The following SLC4A4 variants were observed in gnomAD, a reference collection of about 807,000 sequenced individuals.
The protein encoded by SLC4A4 is electrogenic sodium bicarbonate cotransporter 1.
In SLC4A4, 27 loss-of-function variants were observed where a neutral mutation model predicts 111.5. The ratio of observed to expected loss-of-function variants is 0.24; its 90% CI spans 0.18 to 0.33. The LOEUF is 0.33. SLC4A4 is among the 10% of genes least tolerant of loss of function. The probability of loss-of-function intolerance (pLI) is 1.00; values close to 1 mark genes in which losing one functional copy is unlikely to be tolerated. For missense variants in SLC4A4, 909 were observed against 1,315.5 expected (o/e 0.69, Z 4.78); for synonymous variants, 443 against 463.4 (o/e 0.96, Z 0.57).
chr4:71,081,143 T>C (rs1259700280), intron 1 of SLC4A4, among the ~76,000 whole-genome samples: 1 of 152,122 alleles, frequency 6.6e-6, no homozygotes, highest in East Asian at 1.9e-4. Context: ...AGCAAGTTAC[T>C]GTGACTTGAA....
chr4:71,093,679 G>A (rs1019926442), intron 2 of SLC4A4, among the ~76,000 whole-genome samples: 1 of 151,856 alleles, frequency 6.6e-6, no homozygotes, highest in Non-Finnish European at 1.5e-5. Context: ...GTTGTTGTTG[G>A]TAAAATAGGT....
At chr4:71,468,513 T>A (rs79957209) in intron 13 of SLC4A4, among the ~76,000 whole-genome samples, 317 of 152,178 alleles carry the variant, frequency 2.1e-3, no homozygotes, top group African/African-American at 7.3e-3. Flanking sequence ...AAGTGATTTA[T>A]TTGAAAACAG....
At chr4:71,267,795 A>AAAAAAAAAAAAAAG (rs1722388760) in intron 3 of SLC4A4, among the ~76,000 whole-genome samples, 2 of 26,720 alleles carry the variant, frequency 7.5e-5, no homozygotes, top group African/African-American at 1.2e-4. Context: ...GTCTGCCAAA[A>AAAAAAAAAAAAAAG]AAAAAAAAAA....
In SLC4A4 at chr4:71,206,409, A is replaced by AT. The variant is rs1267182695; in HGVS notation, c.-2+19011dup. ...GGTTACAATTCACAGTTTTCAACAG[A>AT]TTTCCAAAAGGCTCATGGCCCCCCA... On this transcript the variant is annotated intron_variant, in intron 1 of 25. Coordinates refer to ENST00000264485, the MANE Select transcript of SLC4A4 (RefSeq NM_001098484.3). 3.4e-4 allele frequency among the ~76,000 whole-genome samples: 52 copies of AT among 152,188 alleles called. 1 individual carries two copies. Among genetic ancestry groups the AT allele is most frequent in the Admixed American group, 3.4e-3 (52 of 15,274 alleles).
chr4:71,098,741 A>G (rs1235378822), intron 2 of SLC4A4, among the ~76,000 whole-genome samples: 2 of 152,194 alleles, frequency 1.3e-5, no homozygotes, highest in Non-Finnish European at 2.9e-5. Flanking sequence ...AATGACAACT[A>G]TAGGTTCAAA....
At chr4:71,346,699 A>T (rs1445827025) in intron 4 of SLC4A4, among the ~76,000 whole-genome samples, 5 of 152,020 alleles carry the variant, frequency 3.3e-5, no homozygotes, top group Admixed American at 3.3e-4. Flanking sequence ...TTTGTCCTTG[A>T]TATGCGAGGA....
chr4:71,281,712 CAT>C (rs1183002961), intron 3 of SLC4A4, among the ~76,000 whole-genome samples: 1 of 152,118 alleles, frequency 6.6e-6, no homozygotes, highest in Non-Finnish European at 1.5e-5. Context: ...CATAACACAA[CAT>C]GTATTATATT....
intron 13 of SLC4A4, among the ~76,000 whole-genome samples, chr4:71,468,058 C>T (rs1727544194): frequency 6.6e-6 from 1 of 151,904 alleles, no homozygotes; most frequent in East Asian, 1.9e-4. Context: ...TTTTTGAAAA[C>T]AGGGTTGAGG....
intron 13 of SLC4A4, among the ~76,000 whole-genome samples, chr4:71,467,612 C>G (rs942271751): frequency 1.3e-5 from 2 of 152,068 alleles, no homozygotes; most frequent in Admixed American, 6.6e-5. Context: ...GAGTCCAAGT[C>G]TCTTCAGGAA....
chr4:71,382,478 T>C (rs550246574), intron 6 of SLC4A4, among the ~76,000 whole-genome samples: 1 of 152,318 alleles, frequency 6.6e-6, no homozygotes, highest in African/African-American at 2.4e-5. Context: ...AGCATCTGTG[T>C]ACTTGGGTTG....
At chr4:71,349,517 A>C (rs1368414551) in intron 4 of SLC4A4, among the ~76,000 whole-genome samples, 2 of 152,214 alleles carry the variant, frequency 1.3e-5, no homozygotes, top group Non-Finnish European at 2.9e-5. Context: ...ATCACAACAG[A>C]ATCCTCACAG....
At chr4:71,368,999 A>T (rs1056949000) in intron 6 of SLC4A4, among the ~76,000 whole-genome samples, 1 of 151,968 alleles carries the variant, frequency 6.6e-6, no homozygotes, top group African/African-American at 2.4e-5. Flanking sequence ...GTGGCTGCTC[A>T]TGTGTCCTCC....
In SLC4A4 at chr4:71,563,735, G is replaced by A. The variant is rs2290397; in HGVS notation, c.3100-58G>A. On this transcript the variant is annotated intron_variant, in intron 23 of 25. Coordinates refer to ENST00000264485, the MANE Select transcript of SLC4A4 (RefSeq NM_001098484.3). ...GAAAACGGTTTGATCGATGCTAGGA[G>A]ATAGGAAGGGCTGTATAATAAAAAC... 964,034 of 1,053,236 alleles carry A rather than the reference G, an allele frequency of 0.92. 445,129 individuals are homozygous for A. The highest frequency in any genetic ancestry group is 0.96 in the Non-Finnish European group (644,156 of 671,128). 65.2% of individuals were successfully genotyped at this position (1,053,236 alleles called of 1,614,324 possible).
chr4:71,139,027 C>A (rs1743923388), intron 2 of SLC4A4, among the ~76,000 whole-genome samples: 2 of 120,458 alleles, frequency 1.7e-5, no homozygotes, highest in South Asian at 5.3e-4. Context: ...CAGAGTGAGA[C>A]TCCGTCTCAA....
chr4:71,178,563 A>T (rs1250133686), intron 2 of SLC4A4, among the ~76,000 whole-genome samples: 1 of 152,240 alleles, frequency 6.6e-6, no homozygotes, highest in African/African-American at 2.4e-5. Flanking sequence ...ACCATCAGAG[A>T]ATACTATAAA....
Position 71,197,728 on chromosome 4 carries a change from TA to T in SLC4A4, c.-2+10335del, listed in dbSNP as rs1367713443. Among the ~76,000 whole-genome samples, 13 of 151,946 alleles carry T rather than the reference TA, an allele frequency of 8.6e-5. No individual in the cohort carries two copies. The East Asian group carries it at 1.2e-3, about 14-fold the overall frequency. ...TACCCTAGAACTTAAAGTATAATAA[TA>T]AAAAAAAGATTTATAAGGAATAGCA... On this transcript the variant is annotated intron_variant, in intron 1 of 25. Transcript: ENST00000264485.
At chr4:71,215,556 C>T (rs1355445539) in intron 1 of SLC4A4, among the ~76,000 whole-genome samples, 4 of 152,230 alleles carry the variant, frequency 2.6e-5, no homozygotes, top group East Asian at 1.9e-4. Flanking sequence ...AACCCTGTGC[C>T]AGGCACTTTC....
At chr4:71,321,608 G>T (rs922133421) in intron 3 of SLC4A4, among the ~76,000 whole-genome samples, 5 of 151,856 alleles carry the variant, frequency 3.3e-5, no homozygotes, top group Non-Finnish European at 7.4e-5. Flanking sequence ...CACCATCAAG[G>T]TTCTGGCATC....
chr4:71,413,207 C>T (rs986555488), intron 7 of SLC4A4, among the ~76,000 whole-genome samples: 2 of 152,332 alleles, frequency 1.3e-5, no homozygotes, highest in African/African-American at 4.8e-5. Flanking sequence ...TAAATAATAG[C>T]ATGACTACTA....
Sources: allele counts gnomAD v4.1 joint callset (sites outside exome capture counted in the v4.1 genomes callset), GRCh38; gene constraint gnomAD v4.1.1; transcripts MANE v1.5; gene names NCBI Gene and HGNC (gene_info 2026-07-23, HGNC 2026-07-21).